Variants in ATP10A observed in about 807,000 individuals in gnomAD.
ATP10A encodes phospholipid-transporting ATPase VA.
In ATP10A, 111 loss-of-function variants were observed where a neutral mutation model predicts 147.8. The observed-to-expected ratio is 0.75, with a 90% CI of 0.64 to 0.88. The LOEUF is 0.88. Ranked by LOEUF, ATP10A falls within the 40% of genes least tolerant of loss-of-function variation. The pLI is 0.00. For synonymous variants in ATP10A, 875 were observed against 841.6 expected, an observed-to-expected ratio of 1.04 and a Z score of -0.69; for missense variants, 1,927 against 1,959.0, an observed-to-expected ratio of 0.98 and a Z score of 0.31.
chr15:25,850,228 A>T lies in ATP10A; in HGVS notation c.449+12420T>A, dbSNP rs561949350. Among the ~76,000 whole-genome samples the T allele has an allele frequency of 4.6e-5, 7 of 152,270 alleles. No individual in the cohort carries two copies. In the South Asian group the frequency reaches 6.2e-4, roughly 14 times the overall value. ...AAATGGTTGGCTTGTTCAGAGAGAG[A>T]GAGTCAGTGGGGAGCACCCAGCAGG... On this transcript the variant is annotated intron_variant, in intron 1 of 20. Transcript: ENST00000555815.
At chr15:25,773,807 C>T (rs1269991410) in intron 2 of ATP10A, among the ~76,000 whole-genome samples, 7 of 136,480 alleles carry the variant, frequency 5.1e-5, no homozygotes, top group African/African-American at 1.9e-4. Context: ...CAAACATACA[C>T]ACCTAAACAT....
chr15:25,805,627 T>C (rs1046744651), intron 1 of ATP10A, among the ~76,000 whole-genome samples: 1 of 152,156 alleles, frequency 6.6e-6, no homozygotes, highest in African/African-American at 2.4e-5. Context: ...GGCCCTCAGA[T>C]TGGAGGGGTG....
chr15:25,736,239 T>C (rs746500205), intron 2 of ATP10A, 98 bp from the exon 3 acceptor site: 4 of 915,388 alleles, frequency 4.4e-6, no homozygotes, highest in Non-Finnish European at 7.0e-6. Flanking sequence ...GGCAGGCACA[T>C]TTCACGGGGG....
chr15:25,839,705 A>T (rs1185598566), intron 1 of ATP10A, among the ~76,000 whole-genome samples: 1 of 152,116 alleles, frequency 6.6e-6, no homozygotes, highest in African/African-American at 2.4e-5. Flanking sequence ...CTTACCATTA[A>T]TAACTCAATG....
At chr15:25,711,989 C>A (rs563606031) in intron 10 of ATP10A, among the ~76,000 whole-genome samples, 46 of 152,328 alleles carry the variant, frequency 3.0e-4, no homozygotes, top group African/African-American at 1.1e-3. Flanking sequence ...CAGGCCACCA[C>A]TGTTCCTTTT....
downstream of ATP10A, among the ~76,000 whole-genome samples, chr15:25,674,027 C>T (rs1596664356): frequency 6.6e-6 from 1 of 152,264 alleles, no homozygotes; most frequent in African/African-American, 2.4e-5. Flanking sequence ...GTTGCGTGTC[C>T]CTGGACAGTT....
chr15:25,850,174 T>C lies in ATP10A; in HGVS notation c.449+12474A>G, dbSNP rs552673756. ...AGCCCATTATGTGTATGAGACATTC[T>C]GGAAAATATCGCTTTGACTTATGTT... On this transcript the variant is annotated intron_variant, in intron 1 of 20. Coordinates refer to ENST00000555815, the MANE Select transcript of ATP10A (RefSeq NM_024490.4). 9.8e-5 allele frequency among the ~76,000 whole-genome samples: 15 copies of C among 152,364 alleles called. No individual in the cohort carries two copies. The South Asian group carries it at 3.1e-3, about 32-fold the overall frequency.
intron 1 of ATP10A, among the ~76,000 whole-genome samples, chr15:25,809,732 C>T (rs1461253068): frequency 2.6e-5 from 4 of 152,172 alleles, no homozygotes; most frequent in South Asian, 4.1e-4. Context: ...CAACCCCACT[C>T]CTGCATTTAA....
intron 13 of ATP10A, among the ~76,000 whole-genome samples, chr15:25,698,767 T>A (rs558399229): frequency 1.3e-5 from 2 of 152,334 alleles, no homozygotes; most frequent in East Asian, 3.9e-4. Context: ...AACTTTTGGA[T>A]GGGTCTTTTG....
chr15:25,731,599 G>A (rs957684863), intron 3 of ATP10A, among the ~76,000 whole-genome samples: 2 of 152,164 alleles, frequency 1.3e-5, no homozygotes, highest in African/African-American at 4.8e-5. Context: ...CCATTCCCAG[G>A]AGGCCTCTCT....
At chr15:25,828,455 T>C (rs886124317) in intron 1 of ATP10A, among the ~76,000 whole-genome samples, 9 of 152,304 alleles carry the variant, frequency 5.9e-5, no homozygotes, top group African/African-American at 2.2e-4. Flanking sequence ...GCTCTTGGAA[T>C]GAACTTAGAA....
chr15:25,757,710 G>C (rs1318677704), intron 2 of ATP10A, among the ~76,000 whole-genome samples: 1 of 152,200 alleles, frequency 6.6e-6, no homozygotes, highest in Non-Finnish European at 1.5e-5. Flanking sequence ...GGTCAAAATT[G>C]TTAGATATGA....
intron 3 of ATP10A, among the ~76,000 whole-genome samples, chr15:25,730,645 C>A (rs919432598): frequency 6.6e-6 from 1 of 152,148 alleles, no homozygotes; most frequent in Non-Finnish European, 1.5e-5. Flanking sequence ...GGTGTTCAGT[C>A]GGCTTCCTAA....
chr15:25,762,396 C>T (rs967463666), intron 2 of ATP10A, among the ~76,000 whole-genome samples: 2 of 152,132 alleles, frequency 1.3e-5, no homozygotes, highest in African/African-American at 4.8e-5. Flanking sequence ...TCTGCCTCAG[C>T]CTCCCGAGTA....
chr15:25,822,348 A>T (rs1891927288), intron 1 of ATP10A, among the ~76,000 whole-genome samples: 1 of 152,178 alleles, frequency 6.6e-6, no homozygotes, highest in East Asian at 1.9e-4. Context: ...GTAAATAATA[A>T]CCTATGTTTT....
intron 1 of ATP10A, among the ~76,000 whole-genome samples, chr15:25,802,423 TG>T (rs1323954326): frequency 2.4e-5 from 3 of 123,634 alleles, no homozygotes; most frequent in Non-Finnish European, 5.3e-5. Context: ...TTGCGTGTTG[TG>T]TTCCGACCAC....
rs376091603 is a variant in ATP10A, at chr15:25,803,558, T to A, written c.450-22335A>T. ...TCCGTATGAACCAGGGGCAGCTTCA[T>A]CCCCAGATGCAGCCTCAAGTGGGCC... On this transcript the variant is annotated intron_variant, in intron 1 of 20. Coordinates refer to ENST00000555815, the MANE Select transcript of ATP10A (RefSeq NM_024490.4). 1.6e-4 allele frequency among the ~76,000 whole-genome samples: 25 copies of A among 152,286 alleles called. No homozygotes were observed. The East Asian group carries it at 3.9e-3, about 24-fold the overall frequency.
intron 1 of ATP10A, among the ~76,000 whole-genome samples, chr15:25,859,575 A>AC (rs891174097): frequency 2.0e-5 from 3 of 151,318 alleles, no homozygotes; most frequent in East Asian, 1.9e-4. Flanking sequence ...GCAGGACCTA[A>AC]CCCCCCCAGA....
intron 1 of ATP10A, among the ~76,000 whole-genome samples, chr15:25,794,611 C>T (rs915957552): frequency 1.3e-5 from 2 of 152,214 alleles, no homozygotes; most frequent in Admixed American, 1.3e-4. Flanking sequence ...ACCTAAGACA[C>T]CTTTGTGAAT....
Sources: allele counts gnomAD v4.1 joint callset (sites outside exome capture counted in the v4.1 genomes callset), GRCh38; gene constraint gnomAD v4.1.1; transcripts MANE v1.5; gene names NCBI Gene and HGNC (gene_info 2026-07-23, HGNC 2026-07-21).